PCMT1: variants seen among roughly 807,000 people sequenced by gnomAD.
The protein encoded by PCMT1 is protein-L-isoaspartate (D-aspartate) O-methyltransferase.
Under a neutral mutation model 29.2 loss-of-function variants are expected in PCMT1, and 9 were observed. That is an observed-to-expected ratio of 0.31 (90% CI 0.19 to 0.54). The LOEUF (loss-of-function observed/expected upper bound fraction) is 0.54. Ranked by LOEUF, PCMT1 falls within the 20% of genes least tolerant of loss-of-function variation. The pLI, the probability that PCMT1 is intolerant of heterozygous loss-of-function variation, is 0.95. For synonymous variants in PCMT1, 98 were observed against 97.5 expected (o/e 1.00, Z -0.03); for missense variants, 184 against 282.2 (o/e 0.65, Z 2.49).
chr6:149,801,372 T>C (rs1478200553), intron 6 of PCMT1, among the ~76,000 whole-genome samples: 1 of 152,216 alleles, frequency 6.6e-6, no homozygotes, highest in African/African-American at 2.4e-5. Context: ...TGTGGTGTCA[T>C]GTTGATGTTC....
Position 149,800,860 on chromosome 6 carries a change from C to T in PCMT1, c.505-1340C>T, listed in dbSNP as rs138344569. Among the ~76,000 whole-genome samples the T allele has an allele frequency of 7.2e-5, 11 of 152,304 alleles. No individual in the cohort carries two copies. In the East Asian group the frequency reaches 2.1e-3, roughly 29 times the overall value. On this transcript the variant is annotated intron_variant, in intron 6 of 7. Transcript: ENST00000464889. Reference sequence around the variant, plus strand: ...AACCCACAAAGATTCAAAACAGGCACACAGGCATTAGAATTCTATGCTCTG... The same window carrying T: ...AACCCACAAAGATTCAAAACAGGCATACAGGCATTAGAATTCTATGCTCTG...
chr6:149,769,914 T>C (rs763474295), intron 1 of PCMT1, among the ~76,000 whole-genome samples: 2 of 152,012 alleles, frequency 1.3e-5, no homozygotes, highest in South Asian at 4.2e-4. Context: ...CAGCTAATTG[T>C]TGGGGAAGGC....
intron 1 of PCMT1, among the ~76,000 whole-genome samples, chr6:149,761,780 T>C (rs1214704661): frequency 6.6e-6 from 1 of 152,178 alleles, no homozygotes; most frequent in Non-Finnish European, 1.5e-5. Flanking sequence ...GATTGACAGT[T>C]CTTTTACATT....
intron 6 of PCMT1, among the ~76,000 whole-genome samples, chr6:149,799,461 C>T (rs374148184): frequency 3.3e-5 from 5 of 152,188 alleles, no homozygotes; most frequent in South Asian, 2.1e-4. Flanking sequence ...TTTCCAACCT[C>T]GAATTCTGTA....
chr6:149,781,790 C>T (rs1432197057), intron 3 of PCMT1, among the ~76,000 whole-genome samples: 1 of 152,064 alleles, frequency 6.6e-6, no homozygotes, highest in East Asian at 1.9e-4. Context: ...TTAAGTGTAC[C>T]ATTTAGTAGT....
chr6:149,780,540 A>G (rs1170964660), intron 3 of PCMT1, among the ~76,000 whole-genome samples: 1 of 152,168 alleles, frequency 6.6e-6, no homozygotes, highest in Non-Finnish European at 1.5e-5. Context: ...GGTCCTGGCA[A>G]CTACTAATCT....
chr6:149,793,657 G>T lies in PCMT1; in HGVS notation c.406G>T (p.Val136Leu), dbSNP rs776358894. Residue 136 changes from valine to leucine, a missense_variant, in exon 5 of 8, where the codon GTA (valine) becomes TTA (leucine). Coordinates refer to ENST00000464889, the MANE Select transcript of PCMT1 (RefSeq NM_001360452.2). ...DDPTLLSSGRVQLVVGDGRMG... is the reference protein window; with the variant it reads ...DDPTLLSSGRLQLVVGDGRMG... ...TCCAACACTTCTGTCTTCAGGGAGA[G>T]TACAGCTTGTTGGTAAGTATCAGAA... is the stretch of plus-strand genomic sequence containing the variant. 19 of 1,542,404 alleles carry T rather than the reference G, an allele frequency of 1.2e-5. No homozygotes were observed. In the South Asian group the frequency reaches 2.5e-4, roughly 20 times the overall value.
At chr6:149,772,834 G>T (rs948138014) in intron 2 of PCMT1, 4 of 341,132 alleles carry the variant, frequency 1.2e-5, no homozygotes, top group East Asian at 7.3e-5. Flanking sequence ...TGGCTAACGC[G>T]GTGAAACCCC....
intron 5 of PCMT1, among the ~76,000 whole-genome samples, chr6:149,794,517 C>T (rs1259972676): frequency 6.6e-6 from 1 of 152,160 alleles, no homozygotes; most frequent in Admixed American, 6.5e-5. Context: ...ACTCGGGAGG[C>T]TGAGGCAGGA....
At chr6:149,792,391 T>G (rs960906924) in intron 4 of PCMT1, among the ~76,000 whole-genome samples, 3 of 152,234 alleles carry the variant, frequency 2.0e-5, no homozygotes, top group Admixed American at 2.0e-4. Context: ...AGAACCCAGA[T>G]AGTTTGACTT....
At position 149,767,257 on chromosome 6, in the gene PCMT1, TC is replaced by T. The variant is rs1300475632; in HGVS notation, c.56-3904del. On this transcript the variant is annotated intron_variant, in intron 1 of 7. Coordinates refer to ENST00000464889, the MANE Select transcript of PCMT1 (RefSeq NM_001360452.2). ...CATGTTGGGTATATCAGTAATTCAC[TC>T]TTTTTTTTTTTTCTGCTGCTCTTCA... 1.2e-4 allele frequency among the ~76,000 whole-genome samples: 12 copies of T among 99,002 alleles called. No individual in the cohort carries two copies. In the Admixed American group the frequency reaches 1.3e-3, roughly 11 times the overall value. 64.9% of individuals were successfully genotyped at this position (99,002 alleles called of 152,430 possible). A position where few individuals can be genotyped will look rare whatever the true frequency, so the allele number is the denominator to read the frequency against.
At chr6:149,807,010 G>T (rs1776036843) in intron 7 of PCMT1, among the ~76,000 whole-genome samples, 1 of 152,204 alleles carries the variant, frequency 6.6e-6, no homozygotes, top group African/African-American at 2.4e-5. Context: ...GTGCTCTGAT[G>T]AGGGTGAGAT....
chr6:149,768,046 G>A (rs550098046), intron 1 of PCMT1, among the ~76,000 whole-genome samples: 72 of 151,828 alleles, frequency 4.7e-4, no homozygotes, highest in South Asian at 4.4e-3. Context: ...CACCCACCTC[G>A]GCCTCCCAAA....
chr6:149,750,006 G>A lies in PCMT1; in HGVS notation c.55+50G>A, dbSNP rs571256970. 6.4e-6 allele frequency: 10 copies of A among 1,570,978 alleles called. No homozygotes were observed. In the African/African-American group the frequency reaches 1.2e-4, roughly 19 times the overall value. ...AGGGCAGCTGGGGCAGGCTGGGCCT[G>A]GACCGGGTCCCCCTGGGCCGTCCGG... is the stretch of plus-strand genomic sequence containing the variant. On this transcript the variant is annotated intron_variant, in intron 1 of 7. Coordinates refer to ENST00000464889, the MANE Select transcript of PCMT1 (RefSeq NM_001360452.2).
intron 3 of PCMT1, among the ~76,000 whole-genome samples, chr6:149,789,331 C>G (rs1194224448): frequency 2.6e-5 from 4 of 152,024 alleles, no homozygotes; most frequent in African/African-American, 9.7e-5. Flanking sequence ...CTGCCTCAGC[C>G]TCCCAAAGTG....
intron 7 of PCMT1, among the ~76,000 whole-genome samples, chr6:149,803,175 A>G (rs143472323): frequency 8.5e-5 from 13 of 152,246 alleles, no homozygotes; most frequent in Non-Finnish European, 1.8e-4. Context: ...AAATGTCAGA[A>G]TACCAGAGAG....
chr6:149,769,295 T>C (rs1787212152), intron 1 of PCMT1, among the ~76,000 whole-genome samples: 1 of 142,168 alleles, frequency 7.0e-6, no homozygotes, highest in African/African-American at 2.6e-5. Flanking sequence ...TTAGCACCTA[T>C]TTGTGCAGGA....
intron 6 of PCMT1, among the ~76,000 whole-genome samples, chr6:149,799,306 CCT>C (rs887952353): frequency 6.6e-6 from 1 of 150,796 alleles, no homozygotes; most frequent in Non-Finnish European, 1.5e-5. Context: ...AGAGAAAGAC[CCT>C]GTCTCTAAAA....
chr6:149,758,208 CTTTTTTTT>C (rs756014067), intron 1 of PCMT1, among the ~76,000 whole-genome samples: 1 of 73,916 alleles, frequency 1.4e-5, no homozygotes. Context: ...TTCTTTCTTT[CTTTTTTTT>C]TTTTTTTTTT....
Sources: gnomAD v4.1 joint callset for allele counts (sites outside exome capture counted in the v4.1 genomes callset) on GRCh38, gnomAD v4.1.1 for gene constraint, MANE v1.5 for transcripts, NCBI Gene and HGNC (gene_info 2026-07-23, HGNC 2026-07-21) for gene names.